Variants in DPH6 observed in about 807,000 individuals in gnomAD.
DPH6 encodes diphthamine biosynthesis 6, also known as diphthine--ammonia ligase.
A neutral mutation model predicts 38.2 loss-of-function variants in DPH6; 33 were observed. That is an observed-to-expected ratio of 0.86 (90% CI 0.65 to 1.15). The LOEUF is 1.15. DPH6 is among the 50% of genes most tolerant of loss of function. DPH6 has a pLI of 0.00. For synonymous variants in DPH6, 108 were observed against 103.0 expected, an observed-to-expected ratio of 1.05 and a Z score of -0.30; for missense variants, 325 against 320.0, an observed-to-expected ratio of 1.02 and a Z score of -0.12.
chr15:35,148,064 G>A, the DPH6 span, among the ~76,000 whole-genome samples: 3 of 152,242 alleles, frequency 2.0e-5, no homozygotes, highest in South Asian at 4.1e-4. Context: ...TAGTACTCCA[G>A]GGTTATATTT....
downstream of DPH6, among the ~76,000 whole-genome samples, chr15:35,326,377 A>C (rs1217567197): frequency 6.6e-6 from 1 of 152,172 alleles, no homozygotes; most frequent in Non-Finnish European, 1.5e-5. Flanking sequence ...ATAATTAATA[A>C]ATCAGTTTTT....
At chr15:35,248,015 G>T (rs2051647658) in intron 3 of DPH6, among the ~76,000 whole-genome samples, 1 of 152,126 alleles carries the variant, frequency 6.6e-6, no homozygotes, top group Admixed American at 6.5e-5. Context: ...ATAGTGCAAA[G>T]GGCATTAACA....
intron 3 of DPH6, among the ~76,000 whole-genome samples, chr15:35,304,078 T>C (rs1336621918): frequency 6.6e-6 from 1 of 152,120 alleles, no homozygotes; most frequent in Admixed American, 6.5e-5. Context: ...GACAAATATT[T>C]TGGCTGAACT....
chr15:35,223,886 G>A (rs990058634), intron 3 of DPH6, among the ~76,000 whole-genome samples: 2 of 151,796 alleles, frequency 1.3e-5, no homozygotes, highest in African/African-American at 4.8e-5. Context: ...ACAGAATAAC[G>A]TAACTGCCTT....
At position 35,450,740 on chromosome 15, in the gene DPH6, G is replaced by A; in HGVS notation, c.450C>T (p.Leu150=). ...YLWQRNQEDL[L]REMISSNIQA... is the part of the protein sequence containing the mutation. ...GAATGTTAGATGATATCATCTCTCTGAGCAAATCTTCCTGGTTTCTCTGCC... is the reference window on the plus strand; with the variant it reads ...GAATGTTAGATGATATCATCTCTCTAAGCAAATCTTCCTGGTTTCTCTGCC... Residue 150 remains leucine, a synonymous_variant, in exon 5 of 9, where the codon CTC becomes CTT. Transcript: ENST00000256538. The A allele has an allele frequency of 6.2e-7, 1 of 1,613,002 alleles. No homozygotes were observed. Among genetic ancestry groups the A allele is most frequent in the Non-Finnish European group, 8.5e-7 (1 of 1,179,596 alleles).
At chr15:35,194,282 A>T in the DPH6 span, among the ~76,000 whole-genome samples, 326 of 152,216 alleles carry the variant, frequency 2.1e-3, 2 homozygotes, top group Admixed American at 0.012. Flanking sequence ...GATATGCTCT[A>T]TTCCACAGTT....
intron 7 of DPH6, among the ~76,000 whole-genome samples, chr15:35,381,047 T>C (rs1217983637): frequency 2.0e-5 from 3 of 152,190 alleles, no homozygotes; most frequent in Non-Finnish European, 2.9e-5. Context: ...GTTGTCTTAA[T>C]TTTCTTAGAT....
chr15:35,500,638 G>A (rs972793379), intron 3 of DPH6, among the ~76,000 whole-genome samples: 2 of 152,048 alleles, frequency 1.3e-5, no homozygotes, highest in African/African-American at 2.4e-5. Flanking sequence ...CAAATAACAG[G>A]GCTACCCAAA....
At chr15:35,460,919 A>AAAG (rs10664531) in intron 3 of DPH6, among the ~76,000 whole-genome samples, 4 of 151,824 alleles carry the variant, frequency 2.6e-5, no homozygotes, top group African/African-American at 9.7e-5. Context: ...AAAAAAAAAA[A>AAAG]AAGGTTCATT....
intron 5 of DPH6, among the ~76,000 whole-genome samples, chr15:35,412,512 C>T (rs1172507900): frequency 1.3e-5 from 2 of 151,652 alleles, no homozygotes; most frequent in Admixed American, 6.6e-5. Context: ...CCCTTTTCTG[C>T]ACAAAAACCT....
intron 3 of DPH6, among the ~76,000 whole-genome samples, chr15:35,527,036 A>G (rs2141248768): frequency 6.6e-6 from 1 of 152,214 alleles, no homozygotes; most frequent in East Asian, 1.9e-4. Context: ...ATATAAATTT[A>G]CCCCCACTAA....
At chr15:35,391,854 C>T (rs28522822) in intron 6 of DPH6, among the ~76,000 whole-genome samples, 3 of 152,190 alleles carry the variant, frequency 2.0e-5, no homozygotes, top group Non-Finnish European at 2.9e-5. Flanking sequence ...CTGTCCTGCA[C>T]CCGCTGTCCG....
intron 3 of DPH6, among the ~76,000 whole-genome samples, chr15:35,257,922 A>C (rs1353798680): frequency 1.3e-5 from 2 of 152,132 alleles, no homozygotes; most frequent in East Asian, 3.9e-4. Flanking sequence ...AAATGTAAGC[A>C]ATAAAGGGAA....
At chr15:35,452,242 A>C (rs924118755) in intron 4 of DPH6, among the ~76,000 whole-genome samples, 1 of 152,158 alleles carries the variant, frequency 6.6e-6, no homozygotes, top group Non-Finnish European at 1.5e-5. Context: ...CTCAGAGAGG[A>C]CTATAATTGT....
chr15:35,260,322 G>T (rs2051738035), intron 3 of DPH6, among the ~76,000 whole-genome samples: 1 of 151,994 alleles, frequency 6.6e-6, no homozygotes. Flanking sequence ...TGGCCAGGCT[G>T]GTCTTGAACT....
At chr15:35,534,183 G>C (rs1185102296) in intron 3 of DPH6, among the ~76,000 whole-genome samples, 1 of 151,962 alleles carries the variant, frequency 6.6e-6, no homozygotes, top group Non-Finnish European at 1.5e-5. Flanking sequence ...TTTGAGACCA[G>C]CCTGACCAAC....
chr15:35,416,182 A>G (rs541496931), intron 5 of DPH6, among the ~76,000 whole-genome samples: 1 of 152,170 alleles, frequency 6.6e-6, no homozygotes, highest in South Asian at 2.1e-4. Flanking sequence ...TAGAGAGTTT[A>G]CAAATTTGCG....
chr15:35,322,051 G>C (rs2052244939), intron 3 of DPH6, among the ~76,000 whole-genome samples: 1 of 152,150 alleles, frequency 6.6e-6, no homozygotes, highest in Admixed American at 6.5e-5. Flanking sequence ...CTCATGCACT[G>C]AGTCTACCTC....
At chr15:35,208,574 T>C in the DPH6 span, among the ~76,000 whole-genome samples, 1 of 152,256 alleles carries the variant, frequency 6.6e-6, no homozygotes, top group Non-Finnish European at 1.5e-5. Context: ...TGACCTCATC[T>C]TCCCTTCTGA....
Sources: gnomAD v4.1 joint callset for allele counts (sites outside exome capture counted in the v4.1 genomes callset) on GRCh38, gnomAD v4.1.1 for gene constraint, MANE v1.5 for transcripts, NCBI Gene and HGNC (gene_info 2026-07-23, HGNC 2026-07-21) for gene names.